The following PSD3 variants were observed in gnomAD, a reference collection of about 807,000 sequenced individuals.
PSD3 encodes PH and SEC7 domain-containing protein 3.
Under a neutral mutation model 105.5 loss-of-function variants are expected in PSD3, and 49 were observed. The ratio of observed to expected loss-of-function variants is 0.46; its 90% confidence interval spans 0.37 to 0.59. The LOEUF is 0.59. PSD3 is among the 20% of genes least tolerant of loss of function. PSD3 has a pLI of 0.00. For missense variants in PSD3, 1,561 were observed against 1,263.8 expected, an observed-to-expected ratio of 1.24 and a Z score of -3.57; for synonymous variants, 557 against 457.8, an observed-to-expected ratio of 1.22 and a Z score of -2.77.
intron 1 of PSD3, among the ~76,000 whole-genome samples, chr8:19,006,165 T>C (rs76356221): frequency 7.9e-5 from 12 of 151,448 alleles, no homozygotes; most frequent in Non-Finnish European, 1.5e-4. Flanking sequence ...TGGTGGCACG[T>C]GCCTGTAATC....
At position 18,728,140 on chromosome 8, in the gene PSD3, G is replaced by A. The variant is rs866246114; in HGVS notation, c.2172+37309C>T. On this transcript the variant is annotated intron_variant, in intron 9 of 15. Transcript: ENST00000327040. ...AAGGAGTTTATCATTATAGGTTCAGGTCAAGTCCCACTTTCACTCATCACT... is the reference window on the plus strand; with the variant it reads ...AAGGAGTTTATCATTATAGGTTCAGATCAAGTCCCACTTTCACTCATCACT... 3.9e-5 allele frequency among the ~76,000 whole-genome samples: 6 copies of A among 152,152 alleles called. No individual in the cohort carries two copies. The South Asian group carries it at 1.2e-3, about 32-fold the overall frequency.
chr8:19,064,096 G>A (rs932035378), intron 1 of PSD3, among the ~76,000 whole-genome samples: 11 of 152,034 alleles, frequency 7.2e-5, no homozygotes, highest in East Asian at 3.9e-4. Context: ...AGCCAAGATC[G>A]TGCTACTGCT....
chr8:18,672,654 T>C (rs1325041117), intron 9 of PSD3, among the ~76,000 whole-genome samples: 1 of 152,194 alleles, frequency 6.6e-6, no homozygotes, highest in Non-Finnish European at 1.5e-5. Context: ...ATCGGTATTG[T>C]TGCATAAAAA....
At chr8:18,822,472 C>G (rs1812824944) in intron 4 of PSD3, among the ~76,000 whole-genome samples, 1 of 152,200 alleles carries the variant, frequency 6.6e-6, no homozygotes, top group South Asian at 2.1e-4. Context: ...AAGAGCAATA[C>G]TCCACCTGGT....
chr8:18,619,081 C>T (rs1233201812), intron 11 of PSD3, among the ~76,000 whole-genome samples: 2 of 152,052 alleles, frequency 1.3e-5, no homozygotes, highest in African/African-American at 4.8e-5. Flanking sequence ...AATGATCTAT[C>T]TTGCTTCAAA....
chr8:18,852,925 C>G (rs1280392681), intron 4 of PSD3, among the ~76,000 whole-genome samples: 1 of 152,108 alleles, frequency 6.6e-6, no homozygotes, highest in Non-Finnish European at 1.5e-5. Flanking sequence ...ACAGCCACCA[C>G]CCCTCATGTT....
chr8:18,687,379 T>C (rs939207989), intron 9 of PSD3, among the ~76,000 whole-genome samples: 2 of 152,006 alleles, frequency 1.3e-5, no homozygotes, highest in Non-Finnish European at 2.9e-5. Flanking sequence ...GGTGGGAGGA[T>C]CACCTGAGCC....
intron 1 of PSD3, among the ~76,000 whole-genome samples, chr8:19,050,929 A>T (rs968580662): frequency 6.6e-6 from 1 of 152,166 alleles, no homozygotes; most frequent in African/African-American, 2.4e-5. Context: ...CCCAACTGTC[A>T]TGGTGTCCTG....
chr8:19,015,462 T>A (rs75926873), upstream of PSD3, among the ~76,000 whole-genome samples: 1,907 of 152,342 alleles, frequency 0.013, 24 homozygotes, highest in Non-Finnish European at 0.02. Flanking sequence ...AGTCCCAGTG[T>A]GCCTATTCCC....
chr8:18,677,733 T>C (rs941521030), intron 9 of PSD3, among the ~76,000 whole-genome samples: 2 of 152,198 alleles, frequency 1.3e-5, no homozygotes, highest in Non-Finnish European at 2.9e-5. Flanking sequence ...ACATGTTGAC[T>C]GGGCACGGTG....
chr8:18,902,924 G>A (rs1199940207), intron 2 of PSD3, among the ~76,000 whole-genome samples: 1 of 152,180 alleles, frequency 6.6e-6, no homozygotes, highest in African/African-American at 2.4e-5. Flanking sequence ...GATTTCTCTA[G>A]GTGTCAGGTC....
At chr8:18,676,309 G>A (rs879729222) in intron 9 of PSD3, among the ~76,000 whole-genome samples, 6 of 152,148 alleles carry the variant, frequency 3.9e-5, no homozygotes, top group Admixed American at 2.0e-4. Context: ...AAATGGAGGG[G>A]AGCAAGAATG....
intron 1 of PSD3, among the ~76,000 whole-genome samples, chr8:19,077,029 C>G (rs1321122885): frequency 6.6e-6 from 1 of 152,046 alleles, no homozygotes; most frequent in Non-Finnish European, 1.5e-5. Flanking sequence ...TACCTTTCAC[C>G]ATTGTTTTTA....
chr8:18,720,002 G>T (rs139910714), intron 9 of PSD3, among the ~76,000 whole-genome samples: 1 of 152,062 alleles, frequency 6.6e-6, no homozygotes, highest in African/African-American at 2.4e-5. Flanking sequence ...GTAAAGATAC[G>T]TAAGTTTTCT....
chr8:18,670,162 C>T (rs954444523), intron 9 of PSD3, among the ~76,000 whole-genome samples: 4 of 152,144 alleles, frequency 2.6e-5, no homozygotes, highest in African/African-American at 9.7e-5. Context: ...AAACGTAAGA[C>T]GTGAGTGACC....
chr8:18,830,673 T>C (rs761973951), intron 4 of PSD3, among the ~76,000 whole-genome samples: 10 of 152,192 alleles, frequency 6.6e-5, no homozygotes, highest in Non-Finnish European at 1.0e-4. Flanking sequence ...AACAACATGG[T>C]CGCGAAAGGA....
At chr8:18,660,426 A>C (rs1233832538) in intron 9 of PSD3, among the ~76,000 whole-genome samples, 3 of 152,198 alleles carry the variant, frequency 2.0e-5, no homozygotes. Flanking sequence ...AGTTTGTGGT[A>C]ATTTGTTTCA....
intron 6 of PSD3, among the ~76,000 whole-genome samples, chr8:18,803,524 A>G (rs2129447587): frequency 6.6e-6 from 1 of 152,102 alleles, no homozygotes; most frequent in Non-Finnish European, 1.5e-5. Flanking sequence ...TAATCACAAT[A>G]GCAAAAGCAT....
intron 9 of PSD3, among the ~76,000 whole-genome samples, chr8:18,735,325 G>C (rs937464743): frequency 6.6e-6 from 1 of 152,088 alleles, no homozygotes; most frequent in East Asian, 1.9e-4. Flanking sequence ...CCTAAGAAGA[G>C]ATAACTATGT....
Sources: allele counts gnomAD v4.1 joint callset (sites outside exome capture counted in the v4.1 genomes callset), GRCh38; gene constraint gnomAD v4.1.1; transcripts MANE v1.5; gene names NCBI Gene and HGNC (gene_info 2026-07-23, HGNC 2026-07-21).